CPLX2: variants seen among roughly 807,000 people sequenced by gnomAD.
The protein encoded by CPLX2 is complexin-2.
Under a neutral mutation model 16.3 loss-of-function variants are expected in CPLX2, and 5 were observed. The ratio of observed to expected loss-of-function variants is 0.31; its 90% confidence interval spans 0.16 to 0.64. CPLX2 has a LOEUF of 0.64. CPLX2 is among the 30% of genes least tolerant of loss of function. The pLI is 0.79. For missense variants in CPLX2, 144 were observed against 181.4 expected (o/e 0.79, Z 1.18); for synonymous variants, 89 against 73.2 (o/e 1.22, Z -1.10).
chr5:175,828,894 G>T (rs899813165), intron 2 of CPLX2, among the ~76,000 whole-genome samples: 1 of 152,224 alleles, frequency 6.6e-6, no homozygotes, highest in Non-Finnish European at 1.5e-5. Context: ...TAGAGAGGCT[G>T]TGATTCATGG....
chr5:175,806,187 C>T (rs1249273134), intron 1 of CPLX2, among the ~76,000 whole-genome samples: 4 of 108,374 alleles, frequency 3.7e-5, no homozygotes, highest in Non-Finnish European at 7.4e-5. Context: ...GCTCTGACAA[C>T]CCGCCAGTCT....
intron 2 of CPLX2, among the ~76,000 whole-genome samples, chr5:175,835,748 T>C (rs1361057101): frequency 1.5e-5 from 2 of 135,726 alleles, no homozygotes; most frequent in East Asian, 2.1e-4. Flanking sequence ...TTTTTTTTTT[T>C]TTTTTTTTGA....
At chr5:175,877,244 A>T in intron 1 of CPLX2, among the ~76,000 whole-genome samples, 1 of 144,984 alleles carries the variant, frequency 6.9e-6, no homozygotes, top group Admixed American at 6.9e-5. Context: ...TTTTTCCTAC[A>T]CATCATGACT....
At chr5:175,815,098 T>G (rs1445573129) in intron 2 of CPLX2, among the ~76,000 whole-genome samples, 1 of 152,180 alleles carries the variant, frequency 6.6e-6, no homozygotes, top group Non-Finnish European at 1.5e-5. Context: ...TGTGGTCTCC[T>G]AGGTTTCACT....
chr5:175,833,008 T>C (rs993314364), intron 2 of CPLX2, among the ~76,000 whole-genome samples: 5 of 151,972 alleles, frequency 3.3e-5, no homozygotes, highest in African/African-American at 1.2e-4. Flanking sequence ...ATACAAAAAT[T>C]AGCTAGGCAT....
At position 175,883,597 on chromosome 5, in the gene CPLX2, C is replaced by T. The variant is rs1479755574; in HGVS notation, c.*3552C>T. The T allele has an allele frequency of 6.6e-6, 1 of 152,460 alleles. No individual in the cohort carries two copies. Among genetic ancestry groups the T allele is most frequent in the Non-Finnish European group, 1.5e-5 (1 of 68,216 alleles). 9.4% of individuals were successfully genotyped at this position (152,460 alleles called of 1,614,324 possible). Reference sequence around the variant, plus strand: ...CCCTGCTGTCCACCTGCTCCATCCTCTAGGGTTCCACAGGCCCCTGACCGC... The same window carrying T: ...CCCTGCTGTCCACCTGCTCCATCCTTTAGGGTTCCACAGGCCCCTGACCGC... On this transcript the variant is annotated 3_prime_UTR_variant, in exon 4 of 4. Transcript: ENST00000393745.
At chr5:175,821,339 C>T (rs7714478) in intron 2 of CPLX2, among the ~76,000 whole-genome samples, 135,280 of 152,214 alleles carry the variant, frequency 0.89, 60,114 homozygotes, top group East Asian at 0.91. Flanking sequence ...TCTCTGTGCC[C>T]CATCTCGCTT....
intron 1 of CPLX2, 124 bp from the exon 2 acceptor site, chr5:175,878,528 G>A: frequency 1.7e-6 from 1 of 605,590 alleles, no homozygotes. Flanking sequence ...GCAGGGCATT[G>A]GGTCTTGACC....
At chr5:175,870,301 T>G (rs1407742668), upstream of CPLX2, among the ~76,000 whole-genome samples, 1 of 152,182 alleles carries the variant, frequency 6.6e-6, no homozygotes, top group Non-Finnish European at 1.5e-5. Flanking sequence ...ACCAATGGCC[T>G]CTGACTGGTG....
chr5:175,879,838 C>G lies in CPLX2; in HGVS notation c.208-10C>G. 1 of 1,607,672 alleles carries G rather than the reference C, an allele frequency of 6.2e-7. No homozygotes were observed. The highest frequency in any genetic ancestry group is 8.5e-7 in the Non-Finnish European group (1 of 1,177,190). ...CGCTTCATGCGCGTCTCTGCCCTCC[C>G]CCTCCCCAGTATGGGCTGAAGAAGA... On this transcript the variant is annotated splice_polypyrimidine_tract_variant and intron_variant, in intron 3 of 3. Transcript: ENST00000393745.
intron 2 of CPLX2, among the ~76,000 whole-genome samples, chr5:175,832,670 G>A (rs1437397164): frequency 2.0e-5 from 3 of 152,142 alleles, no homozygotes; most frequent in Non-Finnish European, 4.4e-5. Flanking sequence ...AACCCAGCAG[G>A]TTTGAGGTTA....
At chr5:175,820,773 C>T (rs1373963122) in intron 2 of CPLX2, among the ~76,000 whole-genome samples, 9 of 152,194 alleles carry the variant, frequency 5.9e-5, no homozygotes. Context: ...AAGAGGCCCA[C>T]CAGCTCCCTC....
At chr5:175,834,735 A>G (rs768518609) in intron 2 of CPLX2, among the ~76,000 whole-genome samples, 22 of 152,124 alleles carry the variant, frequency 1.4e-4, no homozygotes, top group Non-Finnish European at 2.8e-4. Flanking sequence ...TTAGCCAGGC[A>G]TCATGGCGGG....
At chr5:175,814,903 G>T (rs550943290) in intron 2 of CPLX2, among the ~76,000 whole-genome samples, 1 of 152,082 alleles carries the variant, frequency 6.6e-6, no homozygotes, top group Non-Finnish European at 1.5e-5. Flanking sequence ...CGTGGGTCCC[G>T]TGTCCTCCTC....
upstream of CPLX2, among the ~76,000 whole-genome samples, chr5:175,867,664 T>C (rs1470719980): frequency 6.6e-6 from 1 of 151,858 alleles, no homozygotes; most frequent in Non-Finnish European, 1.5e-5. Flanking sequence ...AGGAGTCACA[T>C]CCCATCAGGA....
At chr5:175,818,822 CA>C (rs753785926) in intron 2 of CPLX2, among the ~76,000 whole-genome samples, 17 of 152,080 alleles carry the variant, frequency 1.1e-4, no homozygotes, top group Non-Finnish European at 2.1e-4. Context: ...CCACTATGCC[CA>C]GCTAATTTTG....
intron 2 of CPLX2, among the ~76,000 whole-genome samples, chr5:175,823,974 C>T (rs908152184): frequency 2.6e-5 from 4 of 152,094 alleles, no homozygotes; most frequent in Non-Finnish European, 4.4e-5. Context: ...TGTCCTCCTC[C>T]GCACAGGCCT....
At chr5:175,856,332 T>C (rs1162588217) in intron 2 of CPLX2, among the ~76,000 whole-genome samples, 1 of 152,172 alleles carries the variant, frequency 6.6e-6, no homozygotes. Context: ...CCTCATCTAA[T>C]CTTCACCACA....
intron 2 of CPLX2, among the ~76,000 whole-genome samples, chr5:175,857,526 C>A (rs568525213): frequency 2.0e-5 from 3 of 152,210 alleles, no homozygotes; most frequent in Admixed American, 2.0e-4. Flanking sequence ...CTACCTTAAA[C>A]GTGCTCAGAC....
Sources: gnomAD v4.1 joint callset for allele counts (sites outside exome capture counted in the v4.1 genomes callset) on GRCh38, gnomAD v4.1.1 for gene constraint, MANE v1.5 for transcripts, NCBI Gene and HGNC (gene_info 2026-07-23, HGNC 2026-07-21) for gene names.